The following ERBB4 variants were observed in gnomAD, a reference collection of about 807,000 sequenced individuals.
The protein encoded by ERBB4 is erb-b2 receptor tyrosine kinase 4.
Under a neutral mutation model 158.0 loss-of-function variants are expected in ERBB4, and 42 were observed. The observed-to-expected ratio is 0.27, with a 90% CI of 0.21 to 0.34. The LOEUF (loss-of-function observed/expected upper bound fraction) is 0.34. ERBB4 is among the 10% of genes least tolerant of loss of function. The pLI, the probability that ERBB4 is intolerant of heterozygous loss-of-function variation, is 1.00. For synonymous variants in ERBB4, 583 were observed against 558.7 expected (o/e 1.04, Z -0.61); for missense variants, 1,333 against 1,624.1 (o/e 0.82, Z 3.08).
intron 19 of ERBB4, among the ~76,000 whole-genome samples, chr2:211,572,491 G>A (rs1047897738): frequency 1.3e-5 from 2 of 152,132 alleles, no homozygotes; most frequent in African/African-American, 4.8e-5. Context: ...GACGCTCCCT[G>A]GCTTTCATTT....
intron 3 of ERBB4, among the ~76,000 whole-genome samples, chr2:211,883,083 G>A (rs2078704759): frequency 6.6e-6 from 1 of 152,178 alleles, no homozygotes; most frequent in African/African-American, 2.4e-5. Flanking sequence ...TTAAGAAAAT[G>A]TGGCACATAT....
chr2:212,058,570 C>A (rs976936311), intron 2 of ERBB4, among the ~76,000 whole-genome samples: 1 of 152,156 alleles, frequency 6.6e-6, no homozygotes, highest in Non-Finnish European at 1.5e-5. Flanking sequence ...AATCCAGCAG[C>A]ACATCAAAAA....
chr2:212,095,934 CAAAAAAAAAAAGAA>C (rs1191034970), intron 2 of ERBB4, among the ~76,000 whole-genome samples: 12 of 53,108 alleles, frequency 2.3e-4, no homozygotes, highest in South Asian at 7.1e-4. Context: ...GACTCTGTCT[CAAAAAAAAAAAGAA>C]AAAAAAAAAA....
intron 2 of ERBB4, among the ~76,000 whole-genome samples, chr2:212,100,506 A>C (rs1021492498): frequency 1.3e-5 from 2 of 152,202 alleles, no homozygotes; most frequent in African/African-American, 4.8e-5. Context: ...GTGTGTCTCT[A>C]TAAGTATTCA....
chr2:212,101,885 C>A (rs925603222), intron 2 of ERBB4, among the ~76,000 whole-genome samples: 2 of 151,654 alleles, frequency 1.3e-5, no homozygotes, highest in African/African-American at 4.8e-5. Flanking sequence ...CCTCCATGGT[C>A]CCTGCTAGTA....
intron 13 of ERBB4, among the ~76,000 whole-genome samples, chr2:211,675,311 T>C (rs1290114684): frequency 1.3e-5 from 2 of 152,204 alleles, no homozygotes; most frequent in Non-Finnish European, 2.9e-5. Context: ...TACTCTGGGA[T>C]CTAGTTTTTC....
intron 16 of ERBB4, among the ~76,000 whole-genome samples, chr2:211,649,116 G>A (rs374194077): frequency 6.6e-6 from 1 of 151,738 alleles, no homozygotes; most frequent in East Asian, 1.9e-4. Context: ...GAATTTATTG[G>A]TCCAGGATAA....
At chr2:211,769,148 C>A (rs1206791671) in intron 4 of ERBB4, among the ~76,000 whole-genome samples, 1 of 152,122 alleles carries the variant, frequency 6.6e-6, no homozygotes, top group Non-Finnish European at 1.5e-5. Context: ...AGGGCAGGGG[C>A]AAAATGCTGC....
intron 1 of ERBB4, among the ~76,000 whole-genome samples, chr2:212,134,615 C>CACTGTTTT (rs1229843572): frequency 6.6e-6 from 1 of 151,260 alleles, no homozygotes; most frequent in African/African-American, 2.4e-5. Flanking sequence ...TATCTTCTAC[C>CACTGTTTT]ACTGTTTTAT....
intron 1 of ERBB4, among the ~76,000 whole-genome samples, chr2:212,427,889 G>A (rs1373024322): frequency 6.6e-6 from 1 of 152,132 alleles, no homozygotes; most frequent in African/African-American, 2.4e-5. Context: ...TGAAAAGCTA[G>A]AGGAAGAAGA....
intron 1 of ERBB4, among the ~76,000 whole-genome samples, chr2:212,504,459 AT>A (rs1396134285): frequency 6.6e-6 from 1 of 152,076 alleles, no homozygotes; most frequent in Non-Finnish European, 1.5e-5. Context: ...CCATTAAAAA[AT>A]AATACAAAAA....
chr2:211,782,044 G>A (rs761766607), intron 4 of ERBB4, among the ~76,000 whole-genome samples: 1 of 152,082 alleles, frequency 6.6e-6, no homozygotes, highest in Non-Finnish European at 1.5e-5. Flanking sequence ...TTTTGACAGC[G>A]GTTTTCCTTA....
At chr2:211,692,322 C>A (rs930029374) in intron 12 of ERBB4, among the ~76,000 whole-genome samples, 1 of 152,194 alleles carries the variant, frequency 6.6e-6, no homozygotes, top group Non-Finnish European at 1.5e-5. Context: ...CTTCTCATTT[C>A]TGTGAGTTAA....
At chr2:212,407,140 CAT>C (rs1171995231) in intron 1 of ERBB4, among the ~76,000 whole-genome samples, 5 of 150,804 alleles carry the variant, frequency 3.3e-5, no homozygotes, top group African/African-American at 4.9e-5. Flanking sequence ...ATATACATAA[CAT>C]ATATTATATA....
chr2:211,866,002 G>C (rs186410716), intron 3 of ERBB4, among the ~76,000 whole-genome samples: 1 of 152,212 alleles, frequency 6.6e-6, no homozygotes. Flanking sequence ...AAACTATCAG[G>C]AGAATATACA....
chr2:212,118,660 T>C (rs1371948004), intron 2 of ERBB4, among the ~76,000 whole-genome samples: 1 of 152,018 alleles, frequency 6.6e-6, no homozygotes, highest in African/African-American at 2.4e-5. Flanking sequence ...AATTTAAAAA[T>C]AGGACATTTT....
At chr2:211,461,708 C>T (rs368122821) in intron 20 of ERBB4, among the ~76,000 whole-genome samples, 4 of 151,902 alleles carry the variant, frequency 2.6e-5, no homozygotes, top group East Asian at 3.9e-4. Context: ...AAATGTAGGC[C>T]GGCATGCTGA....
intron 1 of ERBB4, among the ~76,000 whole-genome samples, chr2:212,299,865 G>T (rs10173511): frequency 1.3e-5 from 2 of 151,508 alleles, no homozygotes; most frequent in South Asian, 4.2e-4. Flanking sequence ...TGCATAGCAC[G>T]GCAGAAATTT....
At chr2:212,275,170 C>G (rs1186311147) in intron 1 of ERBB4, among the ~76,000 whole-genome samples, 2 of 151,928 alleles carry the variant, frequency 1.3e-5, no homozygotes, top group African/African-American at 4.8e-5. Context: ...TCCAGTCTAT[C>G]ATTGATGGGT....
Sources: gnomAD v4.1 joint callset for allele counts (sites outside exome capture counted in the v4.1 genomes callset) on GRCh38, gnomAD v4.1.1 for gene constraint, MANE v1.5 for transcripts, NCBI Gene and HGNC (gene_info 2026-07-23, HGNC 2026-07-21) for gene names.